Variants in DGKB observed in about 807,000 individuals in gnomAD.
The protein encoded by DGKB is 90 kDa diacylglycerol kinase.
In DGKB, 67 loss-of-function variants were observed where a neutral mutation model predicts 114.3. That is an observed-to-expected ratio of 0.59 (90% CI 0.48 to 0.72). DGKB has a LOEUF of 0.72. Among genes scored for constraint, DGKB ranks in the 30% least tolerant of loss-of-function variants. The probability of loss-of-function intolerance (pLI) is 0.00; values close to 1 mark genes in which losing one functional copy is unlikely to be tolerated. For synonymous variants in DGKB, 398 were observed against 323.1 expected, an observed-to-expected ratio of 1.23 and a Z score of -2.49; for missense variants, 907 against 975.2, an observed-to-expected ratio of 0.93 and a Z score of 0.93.
chr7:14,475,738 TA>T (rs1248699108), intron 21 of DGKB, among the ~76,000 whole-genome samples: 3 of 152,108 alleles, frequency 2.0e-5, no homozygotes, highest in African/African-American at 7.2e-5. Flanking sequence ...TTACATCTTA[TA>T]AAAAACATTG....
intron 23 of DGKB, among the ~76,000 whole-genome samples, chr7:14,280,485 A>G (rs6975487): frequency 0.76 from 111,751 of 147,002 alleles, 43,585 homozygotes; most frequent in South Asian, 0.86. Flanking sequence ...GCAGGCCAAC[A>G]TTCAGATTCA....
At position 14,411,651 on chromosome 7, in the gene DGKB, G is replaced by A. The variant is rs1201057154; in HGVS notation, c.1836-66260C>T. Among the ~76,000 whole-genome samples, 7 of 10,646 alleles carry A rather than the reference G, an allele frequency of 6.6e-4. 2 individuals carry two copies. Among genetic ancestry groups the A allele is most frequent in the East Asian group, 3.3e-3 (2 of 614 alleles). The allele number at this position is 10,646 out of a possible 152,430, so 7.0% of individuals were successfully genotyped here. A position where few individuals can be genotyped will look rare whatever the true frequency, so the allele number is the denominator to read the frequency against. On this transcript the variant is annotated intron_variant, in intron 21 of 25. Coordinates refer to ENST00000402815, the MANE Select transcript of DGKB (RefSeq NM_001350709.2). ...GATCATAACAACCATCTTTCAAGGT[G>A]GCTGTAAGATAAACAGTATAATACA...
At chr7:14,176,414 T>C (rs1368299121) in intron 25 of DGKB, 2 of 985,870 alleles carry the variant, frequency 2.0e-6, no homozygotes, top group Non-Finnish European at 2.4e-6. Flanking sequence ...AGCCCTCAAA[T>C]CCCCAAATGG....
chr7:14,915,120 A>G (rs1366071704), intron 1 of DGKB, among the ~76,000 whole-genome samples: 1 of 152,198 alleles, frequency 6.6e-6, no homozygotes, highest in Non-Finnish European at 1.5e-5. Context: ...TGATTCCACA[A>G]TTTGGGGAGG....
At chr7:14,902,885 AC>A (rs1467199918), upstream of DGKB, 5 of 152,056 alleles carry the variant, frequency 3.3e-5, no homozygotes, top group African/African-American at 1.2e-4. Flanking sequence ...CCTGCAGTTC[AC>A]CCGTCTCTGA....
chr7:14,582,830 A>C (rs2128727240), intron 18 of DGKB, among the ~76,000 whole-genome samples: 1 of 152,326 alleles, frequency 6.6e-6, no homozygotes, highest in Admixed American at 6.5e-5. Flanking sequence ...AAACACTGTA[A>C]GAAGTGGATT....
chr7:14,700,403 G>T (rs753839053), intron 7 of DGKB, among the ~76,000 whole-genome samples: 1 of 151,922 alleles, frequency 6.6e-6, no homozygotes, highest in African/African-American at 2.4e-5. Flanking sequence ...TAGTAGAGAC[G>T]GGGTTTCACC....
intron 21 of DGKB, among the ~76,000 whole-genome samples, chr7:14,364,959 T>C (rs1221832955): frequency 6.6e-6 from 1 of 152,018 alleles, no homozygotes; most frequent in African/African-American, 2.4e-5. Context: ...TAAGTGAATA[T>C]ATTTGGTAGG....
chr7:14,163,366 A>G (rs985319803), intron 25 of DGKB, among the ~76,000 whole-genome samples: 2 of 152,232 alleles, frequency 1.3e-5, no homozygotes, highest in African/African-American at 2.4e-5. Flanking sequence ...TTGTTATGAA[A>G]TTAGGAAAAA....
chr7:14,585,356 C>A (rs1219632458), intron 17 of DGKB, among the ~76,000 whole-genome samples: 2 of 152,150 alleles, frequency 1.3e-5, no homozygotes, highest in Non-Finnish European at 2.9e-5. Flanking sequence ...ATAGCACTGC[C>A]CTTTCTAATT....
At chr7:14,876,168 C>T (rs193262615) in intron 1 of DGKB, among the ~76,000 whole-genome samples, 1 of 152,256 alleles carries the variant, frequency 6.6e-6, no homozygotes, top group East Asian at 1.9e-4. Flanking sequence ...TTTACCATTG[C>T]CATGGCAACA....
intron 25 of DGKB, among the ~76,000 whole-genome samples, chr7:14,150,143 C>G (rs971930557): frequency 3.9e-5 from 6 of 152,148 alleles, no homozygotes; most frequent in African/African-American, 1.4e-4. Flanking sequence ...TGCCTTTGGG[C>G]TAGTGACGCT....
intron 6 of DGKB, among the ~76,000 whole-genome samples, chr7:14,702,838 T>A (rs995856316): frequency 3.9e-5 from 6 of 152,174 alleles, no homozygotes; most frequent in Non-Finnish European, 7.4e-5. Context: ...TTATTATTAA[T>A]AAGATGCATA....
intron 23 of DGKB, among the ~76,000 whole-genome samples, chr7:14,273,971 A>C (rs976518480): frequency 6.6e-6 from 1 of 152,226 alleles, no homozygotes; most frequent in Non-Finnish European, 1.5e-5. Flanking sequence ...AGGATTTTAA[A>C]TTATTAGAAA....
chr7:14,735,031 G>T (rs1218081077), intron 5 of DGKB, among the ~76,000 whole-genome samples: 1 of 152,176 alleles, frequency 6.6e-6, no homozygotes, highest in Non-Finnish European at 1.5e-5. Context: ...CAGCGTTTCA[G>T]CCCGGTGGCG....
chr7:14,442,029 T>C (rs1424364410), intron 21 of DGKB, among the ~76,000 whole-genome samples: 1 of 152,022 alleles, frequency 6.6e-6, no homozygotes, highest in African/African-American at 2.4e-5. Flanking sequence ...TTCCTCATTC[T>C]GTCTTAGATT....
intron 2 of DGKB, among the ~76,000 whole-genome samples, chr7:14,832,153 A>C (rs935459633): frequency 1.3e-5 from 2 of 152,052 alleles, no homozygotes; most frequent in Non-Finnish European, 2.9e-5. Context: ...TCTTAATTAC[A>C]CCGTTGAGAA....
intron 5 of DGKB, among the ~76,000 whole-genome samples, chr7:14,734,020 C>CGTGT (rs71004332): frequency 0.28 from 40,919 of 148,082 alleles, 6,134 homozygotes; most frequent in Non-Finnish European, 0.36. Context: ...TATACCAACA[C>CGTGT]GTGTGTGTGT....
chr7:14,559,961 C>A (rs1796415717), intron 20 of DGKB, among the ~76,000 whole-genome samples: 1 of 151,046 alleles, frequency 6.6e-6, no homozygotes, highest in Non-Finnish European at 1.5e-5. Context: ...TCTTCCCTCC[C>A]TTTCTCCCTC....
Sources: gnomAD v4.1 joint callset for allele counts (sites outside exome capture counted in the v4.1 genomes callset) on GRCh38, gnomAD v4.1.1 for gene constraint, MANE v1.5 for transcripts, NCBI Gene and HGNC (gene_info 2026-07-23, HGNC 2026-07-21) for gene names.